Variants in WIPI1 observed in about 807,000 individuals in gnomAD.
WIPI1 encodes the protein WD repeat domain phosphoinositide-interacting protein 1.
Under a neutral mutation model 55.3 loss-of-function variants are expected in WIPI1, and 45 were observed. The observed-to-expected ratio is 0.81, with a 90% CI of 0.64 to 1.04. The LOEUF (loss-of-function observed/expected upper bound fraction) is 1.04, where lower values mean the gene tolerates loss of function less well. WIPI1 is among the 50% of genes least tolerant of loss of function. WIPI1 has a pLI of 0.00. For missense variants in WIPI1, 445 were observed against 559.0 expected (o/e 0.80, Z 2.06); for synonymous variants, 195 against 217.6 (o/e 0.90, Z 0.92).
intron 4 of WIPI1, among the ~76,000 whole-genome samples, chr17:68,438,664 G>C (rs1033666438): frequency 6.6e-6 from 1 of 152,198 alleles, no homozygotes; most frequent in Non-Finnish European, 1.5e-5. Flanking sequence ...GCAGTGGTGC[G>C]ATCTTGGCTC....
intron 11 of WIPI1, 109 bp from the exon 12 acceptor site, chr17:68,426,284 G>T: frequency 2.4e-6 from 2 of 845,388 alleles, no homozygotes; most frequent in Non-Finnish European, 3.8e-6. Flanking sequence ...AAGCAAAGGG[G>T]CTGTCTGTCT....
chr17:68,439,477 T>G (rs780353604), intron 4 of WIPI1, among the ~76,000 whole-genome samples: 3 of 152,060 alleles, frequency 2.0e-5, no homozygotes, highest in Non-Finnish European at 4.4e-5. Context: ...TGCCTATGGC[T>G]GGGGGCATAG....
intron 11 of WIPI1, 77 bp from the exon 12 acceptor site, chr17:68,426,252 G>GGGGGGT: frequency 2.4e-6 from 2 of 828,182 alleles, no homozygotes; most frequent in Non-Finnish European, 3.8e-6. Context: ...TGGGGAGCGG[G>GGGGGGT]GGCTCAAATA....
intron 1 of WIPI1, among the ~76,000 whole-genome samples, chr17:68,456,606 C>T (rs143120898): frequency 5.3e-5 from 8 of 152,354 alleles, no homozygotes; most frequent in African/African-American, 1.9e-4. Context: ...CGAAGTAAAA[C>T]ATTAAAAATC....
chr17:68,434,651 T>G, intron 6 of WIPI1, 25 bp from the exon 7 acceptor site: 1 of 1,612,668 alleles, frequency 6.2e-7, no homozygotes, highest in Non-Finnish European at 8.5e-7. Flanking sequence ...AGGTGGACAT[T>G]TCATAACCAT....
At chr17:68,435,772 C>G in intron 5 of WIPI1, 60 bp from the exon 6 acceptor site, 1 of 1,458,806 alleles carries the variant, frequency 6.9e-7, no homozygotes, top group Non-Finnish European at 9.6e-7. Context: ...TGGATTTCAC[C>G]TCCCTCCCCT....
intron 9 of WIPI1, among the ~76,000 whole-genome samples, chr17:68,429,186 G>C (rs1280606525): frequency 1.3e-5 from 2 of 151,942 alleles, no homozygotes; most frequent in African/African-American, 2.4e-5. Context: ...CTGCGACCCT[G>C]CGAGAAGCAA....
At chr17:68,434,689 T>C in intron 6 of WIPI1, 63 bp from the exon 7 acceptor site, 2 of 1,551,768 alleles carry the variant, frequency 1.3e-6, no homozygotes, top group Non-Finnish European at 1.8e-6. Context: ...GATGTCCCTT[T>C]AGAGAGGAGT....
At chr17:68,429,879 G>A (rs570221926) in intron 9 of WIPI1, 117 bp downstream of exon 9, 7 of 1,472,140 alleles carry the variant, frequency 4.8e-6, no homozygotes, top group Admixed American at 3.9e-5. Context: ...GTAAGCCACC[G>A]TGCCCAGCCT....
At chr17:68,431,442 TG>T (rs1477402506) in intron 8 of WIPI1, among the ~76,000 whole-genome samples, 1 of 151,778 alleles carries the variant, frequency 6.6e-6, no homozygotes, top group East Asian at 1.9e-4. Flanking sequence ...GAGGAGGTTC[TG>T]GGGGTGGTGG....
In WIPI1 at chr17:68,428,894, T is replaced by A; in HGVS notation, c.1008A>T (p.Gly336=). The change falls in exon 10 of 13, where the codon GGA becomes GGT. Residue 336 remains glycine, a synonymous_variant. Transcript: ENST00000262139. The part of the protein sequence containing the change: ...LPRLLVASSS[G]HLYMYNLDPQ... ...GATCCAAATTGTACATATAAAGGTGTCCACTGGATGACGCAACTAGCAGCC... is the reference window on the plus strand; with the variant it reads ...GATCCAAATTGTACATATAAAGGTGACCACTGGATGACGCAACTAGCAGCC... 1 of 1,614,144 alleles carries A rather than the reference T, an allele frequency of 6.2e-7. No homozygotes were observed. Among genetic ancestry groups the A allele is most frequent in the East Asian group, 2.2e-5 (1 of 44,888 alleles).
rs1442913972 is a variant in WIPI1 at position 68,421,738 on chromosome 17, G to C, written c.*35C>G. On this transcript the variant is annotated 3_prime_UTR_variant, in exon 13 of 13. Coordinates refer to ENST00000262139, the MANE Select transcript of WIPI1 (RefSeq NM_017983.7). The stretch of plus-strand genomic sequence containing the variant: ...TTGTTTTCTCCAAAACCACCTGATA[G>C]GGGGGATGTCCTGATTTCTGAGGTG... The C allele has an allele frequency of 1.9e-6, 3 of 1,612,986 alleles. No individual in the cohort carries two copies. The highest frequency in any genetic ancestry group is 3.3e-5 in the Admixed American group (2 of 60,002).
chr17:68,421,947 T>A, intron 12 of WIPI1, 127 bp from the exon 13 acceptor site: 2 of 1,194,204 alleles, frequency 1.7e-6, no homozygotes, highest in Non-Finnish European at 2.5e-6. Flanking sequence ...AATTTTTCTG[T>A]CTGAACTCGC....
At chr17:68,427,026 C>A in intron 11 of WIPI1, 109 bp downstream of exon 11, 2 of 881,026 alleles carry the variant, frequency 2.3e-6, no homozygotes, top group South Asian at 3.1e-5. Context: ...GGAGGGAGGG[C>A]ACTCCACCCC....
rs182662581 is a variant in WIPI1, at chr17:68,439,179, T to C, written c.431-2700A>G. Among the ~76,000 whole-genome samples, 588 of 152,330 alleles carry C rather than the reference T, an allele frequency of 3.9e-3. 2 individuals are homozygous for C. The highest frequency in any genetic ancestry group is 7.8e-3 in the Admixed American group (119 of 15,302). On this transcript the variant is annotated intron_variant, in intron 4 of 12. Transcript: ENST00000262139. ...ACATATGTCCACACAAAAACTTGTA[T>C]ATGAATGTTCATGGCAGCATTATTC...
rs772022265 is a variant in WIPI1, at chr17:68,450,883, C to T, written c.178G>A (p.Val60Ile). 3.1e-6 allele frequency: 5 copies of T among 1,612,100 alleles called. No individual in the cohort carries two copies. The highest frequency in any genetic ancestry group is 4.5e-5 in the East Asian group (2 of 44,860). ...QVHGSNEIPDVYIVERLFSSS... is the reference protein window; with the variant it reads ...QVHGSNEIPDIYIVERLFSSS... ...GAGAAGAGGCGCTCCACGATGTAGA[C>T]GTCCGGGATTTCATCTGGGAGGAAA... The change falls in exon 3 of 13, where the codon GTC becomes ATC. Residue 60 changes from valine (V) to isoleucine (I), a missense_variant. Physicochemically the swap from Val to Ile is conservative, Grantham distance 29 (BLOSUM62 3). Transcript: ENST00000262139.
At chr17:68,445,176 TC>T (rs1433130176) in intron 3 of WIPI1, among the ~76,000 whole-genome samples, 5 of 152,266 alleles carry the variant, frequency 3.3e-5, no homozygotes, top group Admixed American at 2.6e-4. Context: ...CGCCTCGGCC[TC>T]CCAAAGTGCT....
At chr17:68,422,194 G>A (rs567667703) in intron 12 of WIPI1, 4 of 196,734 alleles carry the variant, frequency 2.0e-5, no homozygotes, top group South Asian at 1.8e-4. Context: ...TTGGGAGGCT[G>A]AGGTGGGTGG....
intron 8 of WIPI1, 83 bp downstream of exon 8, chr17:68,433,383 GAA>G (rs2083611288): frequency 8.0e-7 from 1 of 1,248,470 alleles, no homozygotes; most frequent in Non-Finnish European, 1.2e-6. Context: ...TGTTCAGAAA[GAA>G]AAGAGATCAT....
Sources: gnomAD v4.1 joint callset for allele counts (sites outside exome capture counted in the v4.1 genomes callset) on GRCh38, gnomAD v4.1.1 for gene constraint, MANE v1.5 for transcripts, NCBI Gene and HGNC (gene_info 2026-07-23, HGNC 2026-07-21) for gene names.